The following AP3D1 variants were observed in gnomAD, a reference collection of about 807,000 sequenced individuals.
AP3D1 encodes AP-3 complex subunit delta-1.
AP3D1 carries 51 observed loss-of-function variants against 147.6 expected under a neutral mutation model. The ratio of observed to expected loss-of-function variants is 0.35; its 90% CI spans 0.28 to 0.44. The LOEUF (loss-of-function observed/expected upper bound fraction) is 0.44, where lower values mean the gene tolerates loss of function less well. Among genes scored for constraint, AP3D1 ranks in the 20% least tolerant of loss-of-function variants. The pLI is 1.00. For synonymous variants in AP3D1, 760 were observed against 663.0 expected (o/e 1.15, Z -2.25); for missense variants, 1,421 against 1,624.2 (o/e 0.87, Z 2.15).
At chr19:2,115,457 C>T in intron 19 of AP3D1, 39 bp from the exon 20 acceptor site, 1 of 1,607,994 alleles carries the variant, frequency 6.2e-7, no homozygotes, top group Admixed American at 1.7e-5. Context: ...GCACTGCACC[C>T]CAGGGGCTCA....
At chr19:2,104,310 G>T (rs72486338) in intron 31 of AP3D1, among the ~76,000 whole-genome samples, 7,594 of 56,224 alleles carry the variant, frequency 0.14, 232 homozygotes, top group East Asian at 0.35. Flanking sequence ...ACACCAACAC[G>T]CAGACCCCAA....
At chr19:2,127,773 C>T (rs373003715) in intron 8 of AP3D1, among the ~76,000 whole-genome samples, 27 of 152,344 alleles carry the variant, frequency 1.8e-4, no homozygotes, top group South Asian at 4.1e-4. Context: ...GTGATCTACT[C>T]GCCTTGGCCT....
chr19:2,123,267 C>T (rs2018659520), intron 11 of AP3D1, 91 bp downstream of exon 11: 1 of 1,302,382 alleles, frequency 7.7e-7, no homozygotes, highest in South Asian at 1.3e-5. Flanking sequence ...GTTGCAGATG[C>T]CGTGTCCACT....
Position 2,108,786 on chromosome 19 carries a change from G to A in AP3D1, c.3473-20C>T. The A allele has an allele frequency of 1.3e-6, 2 of 1,555,924 alleles. No homozygotes were observed. Among genetic ancestry groups the A allele is most frequent in the Non-Finnish European group, 1.7e-6 (2 of 1,149,610 alleles). On this transcript the variant is annotated intron_variant, in intron 30 of 31. Transcript: ENST00000643116. Reference sequence around the variant, plus strand: ...CCACAACTGCAACAGAGCGGGCAGTGTTAGGCTTCCCGGACATTGCATGGC... The same window carrying A: ...CCACAACTGCAACAGAGCGGGCAGTATTAGGCTTCCCGGACATTGCATGGC...
Position 2,111,064 on chromosome 19 carries a change from T to C in AP3D1, c.2986-168A>G, listed in dbSNP as rs75337979. On this transcript the variant is annotated intron_variant, in intron 26 of 31. Transcript: ENST00000643116. ...GCCAAGCGCCTCCTATGGCTGCTCT[T>C]TGAGTGCATGGCGGGGACCCTCCTG... The C allele has an allele frequency of 0.05, 46,394 of 920,384 alleles. 2,032 individuals are homozygous for C. The highest frequency in any genetic ancestry group is 0.22 in the East Asian group (8,481 of 37,796). 57.0% of individuals were successfully genotyped at this position (920,384 alleles called of 1,614,324 possible). A position where few individuals can be genotyped will look rare whatever the true frequency, so the allele number is the denominator to read the frequency against.
At chr19:2,146,773 G>A (rs929170578) in intron 1 of AP3D1, among the ~76,000 whole-genome samples, 1 of 152,100 alleles carries the variant, frequency 6.6e-6, no homozygotes, top group African/African-American at 2.4e-5. Context: ...GGACGCATTC[G>A]GGAATTCTGG....
chr19:2,157,208 C>T (rs1267876890), intron 1 of AP3D1, among the ~76,000 whole-genome samples: 2 of 151,108 alleles, frequency 1.3e-5, no homozygotes, highest in South Asian at 2.1e-4. Flanking sequence ...TTTGGGAGGC[C>T]GAGGCGGGCG....
intron 5 of AP3D1, among the ~76,000 whole-genome samples, chr19:2,132,083 G>A (rs1422102220): frequency 6.6e-6 from 1 of 152,158 alleles, no homozygotes; most frequent in Non-Finnish European, 1.5e-5. Flanking sequence ...AGCCGGGGGC[G>A]TAGCCTTTGA....
intron 4 of AP3D1, 75 bp downstream of exon 4, chr19:2,136,936 G>A (rs2019091924): frequency 1.0e-5 from 14 of 1,346,208 alleles, no homozygotes; most frequent in South Asian, 7.5e-5. Flanking sequence ...ACAGGAAGAC[G>A]CGTGTGGGAA....
chr19:2,147,495 G>A (rs1405436344), intron 1 of AP3D1, among the ~76,000 whole-genome samples: 4 of 147,926 alleles, frequency 2.7e-5, no homozygotes, highest in Non-Finnish European at 5.9e-5. Context: ...GGCGGAACTT[G>A]CAGTGAGCCA....
upstream of AP3D1, chr19:2,164,506 C>T (rs1055763802): frequency 9.7e-6 from 3 of 310,752 alleles, no homozygotes; most frequent in Admixed American, 5.1e-5. Flanking sequence ...CGAGCCCTAC[C>T]GCGGTGCCGT....
intron 1 of AP3D1, among the ~76,000 whole-genome samples, chr19:2,163,668 C>A (rs900659545): frequency 3.8e-4 from 58 of 152,198 alleles, no homozygotes; most frequent in African/African-American, 1.3e-3. Flanking sequence ...TTCGAACCCG[C>A]TATCCGACGG....
rs753566615 is a variant in AP3D1, at chr19:2,109,850, A to G, written c.3350+23T>C. On this transcript the variant is annotated intron_variant, in intron 29 of 31. Coordinates refer to ENST00000643116, the MANE Select transcript of AP3D1 (RefSeq NM_001261826.3). ...GGAGGCGGAGGGGGTTCGGGGACAT[A>G]GGGGAGTGGGCCTGGGCCCCACCTG... is the stretch of plus-strand genomic sequence containing the variant. The G allele has an allele frequency of 2.5e-6, 4 of 1,610,064 alleles. No homozygotes were observed. The East Asian group carries it at 6.7e-5, about 27-fold the overall frequency.
chr19:2,127,907 A>G (rs553939275), intron 8 of AP3D1, among the ~76,000 whole-genome samples: 4 of 152,360 alleles, frequency 2.6e-5, no homozygotes, highest in South Asian at 4.1e-4. Context: ...AGTCACCTGC[A>G]GCGTAGGGCC....
At chr19:2,106,315 G>A (rs1010931847) in intron 31 of AP3D1, among the ~76,000 whole-genome samples, 9 of 152,162 alleles carry the variant, frequency 5.9e-5, no homozygotes, top group South Asian at 4.1e-4. Context: ...TTGGGAGGCC[G>A]AGGCAGGCAG....
At chr19:2,156,338 A>G (rs1423599075), upstream of AP3D1, among the ~76,000 whole-genome samples, 2 of 152,050 alleles carry the variant, frequency 1.3e-5, no homozygotes, top group African/African-American at 4.8e-5. Context: ...CCACCTCCCC[A>G]TCCACCCAGC....
At chr19:2,149,457 C>T (rs1159841543) in intron 1 of AP3D1, among the ~76,000 whole-genome samples, 1 of 151,256 alleles carries the variant, frequency 6.6e-6, no homozygotes, top group Admixed American at 6.6e-5. Flanking sequence ...GCAGGAGAAT[C>T]GCTTGAACCT....
upstream of AP3D1, among the ~76,000 whole-genome samples, chr19:2,153,831 C>T (rs1310543638): frequency 6.6e-6 from 1 of 152,162 alleles, no homozygotes; most frequent in Non-Finnish European, 1.5e-5. Flanking sequence ...AGTTTCCGGG[C>T]GTCCTTGTGA....
chr19:2,164,411 T>G, exon 1 of AP3D1: 7 of 471,932 alleles, frequency 1.5e-5, no homozygotes, highest in Non-Finnish European at 1.6e-5. Flanking sequence ...TCCACCCCCG[T>G]TGCTTCCCGG....
Sources: gnomAD v4.1 joint callset for allele counts (sites outside exome capture counted in the v4.1 genomes callset) on GRCh38, gnomAD v4.1.1 for gene constraint, MANE v1.5 for transcripts, NCBI Gene and HGNC (gene_info 2026-07-23, HGNC 2026-07-21) for gene names.